Variants in MAGI1 observed in about 807,000 individuals in gnomAD.
MAGI1 encodes membrane-associated guanylate kinase, WW and PDZ domain-containing protein 1.
Under a neutral mutation model 139.9 loss-of-function variants are expected in MAGI1, and 58 were observed. The ratio of observed to expected loss-of-function variants is 0.41; its 90% CI spans 0.34 to 0.52. The LOEUF is 0.52. MAGI1 is among the 20% of genes least tolerant of loss of function. The pLI is 0.12. For missense variants in MAGI1, 1,874 were observed against 1,901.6 expected (o/e 0.99, Z 0.27); for synonymous variants, 812 against 737.9 (o/e 1.10, Z -1.63).
intron 1 of MAGI1, among the ~76,000 whole-genome samples, chr3:65,802,684 C>G (rs1404175028): frequency 6.6e-6 from 1 of 152,122 alleles, no homozygotes; most frequent in Non-Finnish European, 1.5e-5. Flanking sequence ...GTACACAATA[C>G]CTGGCATAAA....
Position 66,038,119 on chromosome 3 carries a change from G to T in MAGI1, c.190C>A (p.Leu64Met). ...GLPGGGEGPR[L>M]GEGELLLEVQ... Reference sequence around the variant, plus strand: ...TCCAGAAGCAGCTCCCCTTCGCCCAGCCTCGGGCCCTCGCCGCCGCCGGGA... The same window carrying T: ...TCCAGAAGCAGCTCCCCTTCGCCCATCCTCGGGCCCTCGCCGCCGCCGGGA... The change falls in exon 1 of 23, where the codon CTG becomes ATG. Residue 64 changes from leucine (L) to methionine (M), a missense_variant. By Grantham distance (15) the Leu-to-Met change is conservative. Coordinates refer to ENST00000402939, the MANE Select transcript of MAGI1 (RefSeq NM_001033057.2). 13 of 1,612,518 alleles carry T rather than the reference G, an allele frequency of 8.1e-6. No individual in the cohort carries two copies. The highest frequency in any genetic ancestry group is 1.1e-5 in the Non-Finnish European group (13 of 1,179,624).
At chr3:65,712,391 A>G (rs1305290692) in intron 1 of MAGI1, among the ~76,000 whole-genome samples, 1 of 151,462 alleles carries the variant, frequency 6.6e-6, no homozygotes, top group Non-Finnish European at 1.5e-5. Flanking sequence ...GTGAGTCAGG[A>G]ATCCTTCCAG....
intron 6 of MAGI1, 170 bp downstream of exon 6, chr3:65,453,088 A>T: frequency 1.6e-6 from 1 of 613,220 alleles, no homozygotes; most frequent in Non-Finnish European, 2.9e-6. Context: ...CTCTTGAAAC[A>T]ACTCTGACTT....
At chr3:65,430,995 G>T in intron 10 of MAGI1, 114 bp from the exon 11 acceptor site, 1 of 967,016 alleles carries the variant, frequency 1.0e-6, no homozygotes. Flanking sequence ...AGAGCCTTTG[G>T]GCATATAGCA....
At chr3:65,535,432 G>C (rs988898118) in intron 2 of MAGI1, among the ~76,000 whole-genome samples, 1 of 152,180 alleles carries the variant, frequency 6.6e-6, no homozygotes, top group Non-Finnish European at 1.5e-5. Flanking sequence ...ATAGCAACAG[G>C]AAGAGGAAGA....
intron 1 of MAGI1, among the ~76,000 whole-genome samples, chr3:65,757,372 T>A (rs1024917284): frequency 6.6e-6 from 1 of 152,212 alleles, no homozygotes; most frequent in Non-Finnish European, 1.5e-5. Flanking sequence ...TGGCCGGGTA[T>A]GGTGGCTCAC....
At chr3:65,825,805 T>G (rs2042193300) in intron 1 of MAGI1, among the ~76,000 whole-genome samples, 1 of 152,060 alleles carries the variant, frequency 6.6e-6, no homozygotes, top group African/African-American at 2.4e-5. Flanking sequence ...CTGGCCAGTA[T>G]GGTGAAACCC....
intron 1 of MAGI1, among the ~76,000 whole-genome samples, chr3:65,929,212 G>A (rs2062674394): frequency 1.3e-5 from 2 of 151,998 alleles, no homozygotes; most frequent in African/African-American, 2.4e-5. Flanking sequence ...GAGCACCCCT[G>A]TTTGGGACAA....
intron 2 of MAGI1, among the ~76,000 whole-genome samples, chr3:65,518,728 C>G (rs2078012254): frequency 6.6e-6 from 1 of 151,618 alleles, no homozygotes; most frequent in Non-Finnish European, 1.5e-5. Flanking sequence ...GTACTAAACA[C>G]ATACTATGTG....
intron 1 of MAGI1, among the ~76,000 whole-genome samples, chr3:65,659,383 T>C (rs2086064373): frequency 1.3e-5 from 2 of 152,220 alleles, no homozygotes; most frequent in African/African-American, 4.8e-5. Context: ...AGCTGGCTAA[T>C]ACCAACTGGA....
chr3:65,726,737 G>A (rs2033650894), intron 1 of MAGI1, among the ~76,000 whole-genome samples: 1 of 151,932 alleles, frequency 6.6e-6, no homozygotes, highest in Non-Finnish European at 1.5e-5. Context: ...CAGCTCTTGG[G>A]GGCCTGGGTA....
chr3:65,495,584 T>C (rs995723718), intron 2 of MAGI1, among the ~76,000 whole-genome samples: 2 of 152,212 alleles, frequency 1.3e-5, no homozygotes, highest in Admixed American at 1.3e-4. Flanking sequence ...GGAATTTATA[T>C]GTTACTGTGA....
chr3:65,532,785 T>C (rs13077233), intron 2 of MAGI1: 40,007 of 152,062 alleles, frequency 0.26, 5,671 homozygotes, highest in African/African-American at 0.34. Flanking sequence ...TGCACTCCTA[T>C]CCTGTAAGCT....
chr3:65,384,423 A>G (rs769173790), intron 14 of MAGI1, among the ~76,000 whole-genome samples: 1 of 152,182 alleles, frequency 6.6e-6, no homozygotes, highest in Non-Finnish European at 1.5e-5. Flanking sequence ...ATTAGATGTC[A>G]TAAGTAATGT....
chr3:65,836,810 G>C (rs935220164), intron 1 of MAGI1, among the ~76,000 whole-genome samples: 3 of 152,074 alleles, frequency 2.0e-5, no homozygotes, highest in Non-Finnish European at 4.4e-5. Context: ...AAGAGAGAGA[G>C]AGACAGAGAG....
At chr3:65,851,935 C>T (rs892492292) in intron 1 of MAGI1, among the ~76,000 whole-genome samples, 1 of 151,990 alleles carries the variant, frequency 6.6e-6, no homozygotes, top group African/African-American at 2.4e-5. Context: ...TTTTGATCTG[C>T]GAAAGAGGCA....
At chr3:65,387,512 A>T (rs186100492) in intron 14 of MAGI1, among the ~76,000 whole-genome samples, 31 of 152,178 alleles carry the variant, frequency 2.0e-4, no homozygotes, top group African/African-American at 6.0e-4. Flanking sequence ...TAAAGTACAC[A>T]TTCTTGAATG....
At chr3:65,828,845 A>T (rs765116525) in intron 1 of MAGI1, among the ~76,000 whole-genome samples, 5 of 152,238 alleles carry the variant, frequency 3.3e-5, no homozygotes, top group African/African-American at 4.8e-5. Context: ...AAGAGAAAAG[A>T]TTCCAAAAGG....
At chr3:65,751,190 A>G (rs1282233417) in intron 1 of MAGI1, among the ~76,000 whole-genome samples, 1 of 152,222 alleles carries the variant, frequency 6.6e-6, no homozygotes, top group African/African-American at 2.4e-5. Flanking sequence ...AAAGATGAGA[A>G]AGGTATCGAT....
Sources: allele counts gnomAD v4.1 joint callset (sites outside exome capture counted in the v4.1 genomes callset), GRCh38; gene constraint gnomAD v4.1.1; transcripts MANE v1.5; gene names NCBI Gene and HGNC (gene_info 2026-07-23, HGNC 2026-07-21).